The following EZH2 variants were observed in gnomAD, a reference collection of about 807,000 sequenced individuals.
EZH2 encodes histone-lysine N-methyltransferase EZH2.
In EZH2, 18 loss-of-function variants were observed where a neutral mutation model predicts 98.4. The ratio of observed to expected loss-of-function variants is 0.18; its 90% CI spans 0.13 to 0.27. EZH2 has a LOEUF of 0.27. Among genes scored for constraint, EZH2 ranks in the 10% least tolerant of loss-of-function variants. The pLI is 1.00. For synonymous variants in EZH2, 338 were observed against 312.3 expected, an observed-to-expected ratio of 1.08 and a Z score of -0.87; for missense variants, 470 against 935.1, an observed-to-expected ratio of 0.50 and a Z score of 6.49.
At chr7:148,860,499 T>C (rs936534708) in intron 1 of EZH2, among the ~76,000 whole-genome samples, 6 of 152,106 alleles carry the variant, frequency 3.9e-5, no homozygotes, top group South Asian at 2.1e-4. Context: ...ATTATTCACA[T>C]AGTAATTAGC....
intron 1 of EZH2, among the ~76,000 whole-genome samples, chr7:148,866,672 A>T (rs1046606332): frequency 6.8e-6 from 1 of 146,962 alleles, no homozygotes; most frequent in Admixed American, 6.9e-5. Context: ...ATGCATATAT[A>T]TGTACGTATA....
At chr7:148,858,089 G>A (rs914357716) in intron 1 of EZH2, among the ~76,000 whole-genome samples, 9 of 151,656 alleles carry the variant, frequency 5.9e-5, no homozygotes, top group African/African-American at 1.7e-4. Context: ...TCAGGAGATC[G>A]AGACCATTCT....
In EZH2 at chr7:148,814,129, G is replaced by A. The variant is rs1268069858; in HGVS notation, c.1681C>T (p.Arg561Cys). Residue 561 changes from arginine to cysteine, a missense_variant, in exon 15 of 20, where the codon CGC becomes TGC. Arg to Cys is a radical substitution (Grantham distance 180). Transcript: ENST00000320356. ...GCTTTGCAGCGGCATCCCGGAAAGCGGTTTTGACCTTCAGAGAGAGGTTTG... is the reference window on the plus strand; with the variant it reads ...GCTTTGCAGCGGCATCCCGGAAAGCAGTTTTGACCTTCAGAGAGAGGTTTG... ...FCQCSSECQN[R>C]FPGCRCKAQC... 3 of 1,612,644 alleles carry A rather than the reference G, an allele frequency of 1.9e-6. No individual in the cohort carries two copies. The highest frequency in any genetic ancestry group is 1.3e-5 in the African/African-American group (1 of 74,838).
At chr7:148,874,777 T>TA in intron 1 of EZH2, among the ~76,000 whole-genome samples, 1 of 150,432 alleles carries the variant, frequency 6.6e-6, no homozygotes, top group Non-Finnish European at 1.5e-5. Context: ...ATTTCTATAA[T>TA]AAAAAAATTT....
At chr7:148,871,819 C>T (rs1475350626) in intron 1 of EZH2, among the ~76,000 whole-genome samples, 8 of 152,150 alleles carry the variant, frequency 5.3e-5, no homozygotes, top group Admixed American at 5.2e-4. Flanking sequence ...AACTGATCCT[C>T]CCACCCCAGC....
In EZH2 at chr7:148,846,585, G is replaced by T. The variant is rs761247972; in HGVS notation, c.131C>A (p.Ser44Tyr). The T allele has an allele frequency of 3.1e-6, 5 of 1,591,804 alleles. No individual in the cohort carries two copies. In the South Asian group the frequency reaches 4.4e-5, roughly 14 times the overall value. Residue 44 changes from serine (S) to tyrosine (Y), a missense_variant, in exon 3 of 20, where the codon TCC becomes TAC. Physicochemically the swap from Ser to Tyr is moderately radical, Grantham distance 144. Around this residue, in one of 6 missense-constraint regions of EZH2, gnomAD observed 79 missense variants for 122.1 expected, o/e 0.65. Transcript: ENST00000320356. Reference protein sequence around the residue: ...RADEVKSMFSSNRQKILERTE... With the variant: ...RADEVKSMFSYNRQKILERTE... Reference sequence around the variant, plus strand: ...TCTTTCCAAAATTTTCTGACGATTGGAACTAAACATACTCTTAAAAAAAAA... The same window carrying T: ...TCTTTCCAAAATTTTCTGACGATTGTAACTAAACATACTCTTAAAAAAAAA...
chr7:148,843,904 T>A (rs1215745125), intron 3 of EZH2, among the ~76,000 whole-genome samples: 1 of 151,812 alleles, frequency 6.6e-6, no homozygotes, highest in Non-Finnish European at 1.5e-5. Flanking sequence ...CAAATGGGAG[T>A]ATAAGTTTAA....
chr7:148,872,892 G>A (rs915114389), intron 1 of EZH2, among the ~76,000 whole-genome samples: 1 of 151,352 alleles, frequency 6.6e-6, no homozygotes, highest in African/African-American at 2.4e-5. Flanking sequence ...TATGAATTTA[G>A]CCCATATAAA....
At chr7:148,832,801 A>C (rs192525709) in intron 3 of EZH2, 51 bp from the exon 4 acceptor site, 1 of 1,168,150 alleles carries the variant, frequency 8.6e-7, no homozygotes, top group East Asian at 2.4e-5. Context: ...GACAACCTTA[A>C]GCTGTAGCCA....
intron 1 of EZH2, among the ~76,000 whole-genome samples, chr7:148,849,388 A>G (rs958488499): frequency 6.6e-6 from 1 of 152,236 alleles, no homozygotes; most frequent in African/African-American, 2.4e-5. Flanking sequence ...GCTGGCAGAC[A>G]TTTAATAAGA....
intron 3 of EZH2, among the ~76,000 whole-genome samples, chr7:148,840,864 C>T (rs1812252622): frequency 6.6e-6 from 1 of 152,094 alleles, no homozygotes; most frequent in African/African-American, 2.4e-5. Flanking sequence ...TTCTAACATT[C>T]CAGATTAACC....
At position 148,816,774 on chromosome 7, in the gene EZH2, T is replaced by C. The variant is rs1359796591; in HGVS notation, c.1415A>G (p.Tyr472Cys). The C allele has an allele frequency of 6.2e-7, 1 of 1,613,136 alleles. No homozygotes were observed. Among genetic ancestry groups the C allele is most frequent in the Admixed American group, 1.7e-5 (1 of 60,026 alleles). ...GCTAGATTCTTTGACTCTAAACTCA[T>C]ACACCTGACAAGAGGCACAGTCACA... ...LIGTKTCRQV[Y>C]EFRVKESSII... Residue 472 changes from tyrosine (Y) to cysteine (C), a missense_variant, in exon 12 of 20, where the codon TAT becomes TGT. Transcript: ENST00000320356.
chr7:148,857,003 C>A (rs1285495167), intron 1 of EZH2, among the ~76,000 whole-genome samples: 2 of 152,142 alleles, frequency 1.3e-5, no homozygotes, highest in African/African-American at 4.8e-5. Context: ...TGAAAAAAAA[C>A]CATAACCATT....
chr7:148,878,899 A>G (rs975361312), intron 1 of EZH2, among the ~76,000 whole-genome samples: 2 of 149,740 alleles, frequency 1.3e-5, no homozygotes, highest in African/African-American at 4.9e-5. Flanking sequence ...CCTGTCTCCA[A>G]AAAAAAATTT....
rs760765392 is a variant in EZH2 at position 148,828,916 on chromosome 7, A to G, written c.485-36T>C. The G allele has an allele frequency of 9.6e-6, 15 of 1,566,720 alleles. No homozygotes were observed. In the South Asian group the frequency reaches 1.7e-4, roughly 18 times the overall value. ...TCAAATGTCAGAAACACACAGGAGA[A>G]GCAATAATGTCAAAAGTTTATGTAT... On this transcript the variant is annotated intron_variant, in intron 5 of 19. Transcript: ENST00000320356.
rs17552167 is a variant in EZH2, at chr7:148,832,830, C to T, written c.247-80G>A. On this transcript the variant is annotated intron_variant, in intron 3 of 19. Transcript: ENST00000320356. ...GTAGCCATCATATTGTAAAGAGATG[C>T]TGCCTACCCAAATATTTAATTTTGA... 0.062 allele frequency: 48,592 copies of T among 778,138 alleles called. 1,878 individuals carry two copies. Among genetic ancestry groups the T allele is most frequent in the Middle Eastern group, 0.098 (388 of 3,962 alleles). 48.2% of individuals were successfully genotyped at this position (778,138 alleles called of 1,614,324 possible).
At chr7:148,868,981 T>C (rs1818936460) in intron 1 of EZH2, among the ~76,000 whole-genome samples, 1 of 152,038 alleles carries the variant, frequency 6.6e-6, no homozygotes, top group African/African-American at 2.4e-5. Flanking sequence ...ATAAGAAAAA[T>C]TGGGTAAATT....
chr7:148,840,155 C>A (rs1473234273), intron 3 of EZH2, among the ~76,000 whole-genome samples: 1 of 152,152 alleles, frequency 6.6e-6, no homozygotes, highest in Non-Finnish European at 1.5e-5. Context: ...AATTTTTAAA[C>A]ATGCATATCA....
At chr7:148,869,599 A>C (rs183710197) in intron 1 of EZH2, among the ~76,000 whole-genome samples, 383 of 152,252 alleles carry the variant, frequency 2.5e-3, no homozygotes, top group Non-Finnish European at 4.2e-3. Context: ...CAGCCGCTCA[A>C]AGTGCTGGGA....
Sources: allele counts gnomAD v4.1 joint callset (sites outside exome capture counted in the v4.1 genomes callset), GRCh38; gene constraint gnomAD v4.1.1; regional missense constraint gnomAD v4.1.1; transcripts MANE v1.5; gene names NCBI Gene and HGNC (gene_info 2026-07-23, HGNC 2026-07-21).